PLEKHA7: variants seen among roughly 807,000 people sequenced by gnomAD.
PLEKHA7 encodes the protein pleckstrin homology domain containing A7, also known as pleckstrin homology domain-containing family A member 7.
In PLEKHA7, 104 loss-of-function variants were observed where a neutral mutation model predicts 170.0. The observed-to-expected ratio is 0.61, with a 90% CI of 0.52 to 0.72. PLEKHA7 has a LOEUF of 0.72. Among genes scored for constraint, PLEKHA7 ranks in the 30% least tolerant of loss-of-function variants. The pLI, the probability that PLEKHA7 is intolerant of heterozygous loss-of-function variation, is 0.00. For missense variants in PLEKHA7, 1,615 were observed against 1,671.7 expected (o/e 0.97, Z 0.59); for synonymous variants, 648 against 660.8 (o/e 0.98, Z 0.30).
At chr11:16,822,422 C>T (rs374274605) in intron 10 of PLEKHA7, among the ~76,000 whole-genome samples, 154 of 150,022 alleles carry the variant, frequency 1.0e-3, no homozygotes, top group African/African-American at 3.5e-3. Context: ...GCAAAAGACC[C>T]GTGAGGTTCT....
At chr11:16,977,568 C>T (rs569772951) in intron 3 of PLEKHA7, among the ~76,000 whole-genome samples, 3 of 152,166 alleles carry the variant, frequency 2.0e-5, no homozygotes, top group Non-Finnish European at 4.4e-5. Context: ...CCCTCTTCTC[C>T]ATATCCCCTC....
chr11:17,008,352 G>A (rs1865135781), intron 3 of PLEKHA7, among the ~76,000 whole-genome samples: 1 of 152,208 alleles, frequency 6.6e-6, no homozygotes, highest in Admixed American at 6.5e-5. Context: ...AGTCCCAGAT[G>A]CAGAGCAATA....
intron 9 of PLEKHA7, among the ~76,000 whole-genome samples, chr11:16,837,482 A>G (rs754058686): frequency 6.6e-6 from 1 of 152,196 alleles, no homozygotes; most frequent in African/African-American, 2.4e-5. Flanking sequence ...CCATTTTGCC[A>G]TCTCTAGTGT....
intron 3 of PLEKHA7, among the ~76,000 whole-genome samples, chr11:16,959,939 G>T (rs1861944110): frequency 6.6e-6 from 1 of 152,124 alleles, no homozygotes; most frequent in Non-Finnish European, 1.5e-5. Context: ...CCCAGGTAAG[G>T]CTGCAGGATT....
intron 3 of PLEKHA7, among the ~76,000 whole-genome samples, chr11:16,993,054 G>A (rs2136968608): frequency 6.6e-6 from 1 of 152,180 alleles, no homozygotes; most frequent in Non-Finnish European, 1.5e-5. Context: ...CCTCTGCCCA[G>A]CCTGGGAGAT....
chr11:16,944,951 G>A (rs1462292041), intron 3 of PLEKHA7, among the ~76,000 whole-genome samples: 2 of 152,104 alleles, frequency 1.3e-5, no homozygotes, highest in African/African-American at 4.8e-5. Context: ...AAGGATCAGA[G>A]GAGTTCACTT....
chr11:16,827,283 A>G (rs1038357552), intron 9 of PLEKHA7, among the ~76,000 whole-genome samples: 7 of 152,258 alleles, frequency 4.6e-5, no homozygotes, highest in Admixed American at 2.6e-4. Context: ...GGAACAGTTC[A>G]AACAGAAACA....
At chr11:16,964,190 A>T (rs919297870) in intron 3 of PLEKHA7, among the ~76,000 whole-genome samples, 1 of 152,234 alleles carries the variant, frequency 6.6e-6, no homozygotes, top group Non-Finnish European at 1.5e-5. Context: ...ATATGTATAT[A>T]TCACATTTTG....
At chr11:17,012,177 C>T (rs1248783043) in intron 3 of PLEKHA7, among the ~76,000 whole-genome samples, 1 of 152,176 alleles carries the variant, frequency 6.6e-6, no homozygotes, top group Non-Finnish European at 1.5e-5. Flanking sequence ...AAAACACACA[C>T]CAAATCATGC....
At position 16,791,601 on chromosome 11, in the gene PLEKHA7, T is replaced by A; in HGVS notation, c.2746-402A>T. ...AGCACCACCTACCTGGAGAGTAACA[T>A]CTACCCACTCAGCAGTGCTCAGCCT... is the stretch of plus-strand genomic sequence containing the variant. On this transcript the variant is annotated intron_variant, in intron 19 of 26. Transcript: ENST00000531066. This position sits in a 1 kb window ranked among gnomAD's most constrained non-coding sequence, Gnocchi z 4.5. The A allele has an allele frequency of 2.1e-6, 1 of 467,866 alleles. No homozygotes were observed. Among genetic ancestry groups the A allele is most frequent in the South Asian group, 1.5e-5 (1 of 64,686 alleles). 29.0% of individuals were successfully genotyped at this position (467,866 alleles called of 1,614,324 possible).
intron 3 of PLEKHA7, among the ~76,000 whole-genome samples, chr11:16,940,067 G>T (rs970074753): frequency 6.6e-6 from 1 of 152,136 alleles, no homozygotes; most frequent in Non-Finnish European, 1.5e-5. Context: ...TAGCTGTGTG[G>T]ATCTGTCTCC....
At chr11:16,842,797 T>G (rs1391200412) in intron 8 of PLEKHA7, among the ~76,000 whole-genome samples, 2 of 152,166 alleles carry the variant, frequency 1.3e-5, no homozygotes, top group African/African-American at 2.4e-5. Flanking sequence ...ATTTACTGAG[T>G]ACCTACTATG....
chr11:16,898,352 A>C (rs1438470705), intron 3 of PLEKHA7, among the ~76,000 whole-genome samples: 1 of 152,224 alleles, frequency 6.6e-6, no homozygotes, highest in Non-Finnish European at 1.5e-5. Flanking sequence ...ATATTTTCAT[A>C]AAGTATTTTC....
intron 3 of PLEKHA7, among the ~76,000 whole-genome samples, chr11:16,916,183 G>A (rs962809083): frequency 6.6e-6 from 1 of 152,198 alleles, no homozygotes; most frequent in Non-Finnish European, 1.5e-5. Context: ...GTCTGTTCAT[G>A]TCCTTCGCCC....
At chr11:16,988,785 T>A (rs1372196716) in intron 3 of PLEKHA7, among the ~76,000 whole-genome samples, 2 of 152,180 alleles carry the variant, frequency 1.3e-5, no homozygotes, top group Non-Finnish European at 2.9e-5. Context: ...GTGAACTCAC[T>A]ACATCCCAAA....
At chr11:16,843,147 C>A (rs11024054) in intron 8 of PLEKHA7, among the ~76,000 whole-genome samples, 26,623 of 152,174 alleles carry the variant, frequency 0.17, 2,846 homozygotes, top group Non-Finnish European at 0.25. Flanking sequence ...GTTGAAAGAA[C>A]GAAGAGTTAG....
chr11:16,826,237 G>T lies in PLEKHA7; in HGVS notation c.1226C>A (p.Thr409Asn). The change falls in exon 10 of 27, where the codon ACT becomes AAT. Residue 409 changes from threonine to asparagine, a missense_variant. By Grantham distance (65) the Thr-to-Asn change is moderately conservative (BLOSUM62 0). Coordinates refer to ENST00000531066, the MANE Select transcript of PLEKHA7 (RefSeq NM_001329630.2). ...AGGAAAGGCCCGCTGGTACCCACCA[G>T]TCCCATTCTGTTCTCCTGGGCCATA... is the stretch of plus-strand genomic sequence containing the variant. ...ASYGPGEQNGTGGYQRAFPPR... is the reference protein window; with the variant it reads ...ASYGPGEQNGNGGYQRAFPPR... 1 of 1,614,244 alleles carries T rather than the reference G, an allele frequency of 6.2e-7. No individual in the cohort carries two copies. The highest frequency in any genetic ancestry group is 8.5e-7 in the Non-Finnish European group (1 of 1,180,044).
At chr11:16,911,061 C>T (rs1274837531) in intron 3 of PLEKHA7, among the ~76,000 whole-genome samples, 1 of 152,158 alleles carries the variant, frequency 6.6e-6, no homozygotes, top group Non-Finnish European at 1.5e-5. Flanking sequence ...GCAAATTCCT[C>T]GGTTTTATTC....
chr11:16,794,435 T>C, intron 19 of PLEKHA7, 53 bp downstream of exon 19: 1 of 1,534,392 alleles, frequency 6.5e-7, no homozygotes, highest in African/African-American at 1.4e-5. Flanking sequence ...GAGAAGGTAA[T>C]CTGAGGACAG....
Sources: gnomAD v4.1 joint callset for allele counts (sites outside exome capture counted in the v4.1 genomes callset) on GRCh38, gnomAD v4.1.1 for gene constraint, Gnocchi (gnomAD v3.1) non-coding constraint, MANE v1.5 for transcripts, NCBI Gene and HGNC (gene_info 2026-07-23, HGNC 2026-07-21) for gene names.